RALYL: variants seen among roughly 807,000 people sequenced by gnomAD.
The protein encoded by RALYL is RNA-binding Raly-like protein.
In RALYL, 29 loss-of-function variants were observed where a neutral mutation model predicts 35.1. The observed-to-expected ratio is 0.83, with a 90% CI of 0.61 to 1.13. The LOEUF is 1.13. Among genes scored for constraint, RALYL ranks in the 50% most tolerant of loss-of-function variants. The pLI is 0.00. For missense variants in RALYL, 359 were observed against 360.4 expected, an observed-to-expected ratio of 1.00 and a Z score of 0.03; for synonymous variants, 120 against 127.6, an observed-to-expected ratio of 0.94 and a Z score of 0.40.
chr8:84,619,300 A>C (rs1472821040), intron 2 of RALYL, among the ~76,000 whole-genome samples: 3 of 151,714 alleles, frequency 2.0e-5, no homozygotes, highest in African/African-American at 7.3e-5. Flanking sequence ...ATATATATTT[A>C]GGATAGTTAG....
intron 1 of RALYL, among the ~76,000 whole-genome samples, chr8:84,223,154 T>A (rs1822799586): frequency 7.7e-6 from 1 of 130,496 alleles, no homozygotes; most frequent in Non-Finnish European, 1.6e-5. Flanking sequence ...TTTCCTTTCC[T>A]TTCTTTCCTT....
At chr8:84,306,455 T>C (rs1841833820) in intron 1 of RALYL, among the ~76,000 whole-genome samples, 1 of 152,174 alleles carries the variant, frequency 6.6e-6, no homozygotes, top group African/African-American at 2.4e-5. Flanking sequence ...GGTGTTATCA[T>C]GGATTCATTG....
At chr8:84,742,166 C>T (rs1264935036) in intron 2 of RALYL, among the ~76,000 whole-genome samples, 4 of 151,956 alleles carry the variant, frequency 2.6e-5, no homozygotes, top group Non-Finnish European at 5.9e-5. Flanking sequence ...AGACTACAGC[C>T]TTATGAATCT....
At chr8:84,384,115 C>T (rs1858627213) in intron 1 of RALYL, among the ~76,000 whole-genome samples, 1 of 151,476 alleles carries the variant, frequency 6.6e-6, no homozygotes, top group Non-Finnish European at 1.5e-5. Context: ...TTTATAATGC[C>T]TTTGTATCAA....
intron 8 of RALYL, among the ~76,000 whole-genome samples, chr8:84,907,629 G>A (rs888466333): frequency 6.6e-6 from 1 of 152,026 alleles, no homozygotes; most frequent in African/African-American, 2.4e-5. Flanking sequence ...TATTTTCATT[G>A]TATTAGGGTT....
At chr8:84,562,875 AC>A (rs2061553533) in intron 2 of RALYL, among the ~76,000 whole-genome samples, 1 of 151,892 alleles carries the variant, frequency 6.6e-6, no homozygotes, top group South Asian at 2.1e-4. Flanking sequence ...ATGCAGAGAG[AC>A]CTTGGGCACG....
At chr8:84,513,356 A>T (rs907627500) in intron 1 of RALYL, among the ~76,000 whole-genome samples, 10 of 152,142 alleles carry the variant, frequency 6.6e-5, no homozygotes, top group African/African-American at 1.7e-4. Context: ...TTTTATATCC[A>T]GCAAACTGTT....
chr8:84,499,037 C>A (rs1158972881), intron 1 of RALYL, among the ~76,000 whole-genome samples: 1 of 150,580 alleles, frequency 6.6e-6, no homozygotes, highest in African/African-American at 2.4e-5. Context: ...ACTGGGGGAG[C>A]AGTCTTATAA....
At chr8:84,474,643 T>C (rs2053180873) in intron 1 of RALYL, among the ~76,000 whole-genome samples, 2 of 152,172 alleles carry the variant, frequency 1.3e-5, no homozygotes, top group Non-Finnish European at 2.9e-5. Context: ...AAGTTTTATC[T>C]TGGTGGGATT....
At chr8:84,860,969 A>T (rs971407612) in intron 5 of RALYL, among the ~76,000 whole-genome samples, 3 of 152,170 alleles carry the variant, frequency 2.0e-5, no homozygotes, top group Non-Finnish European at 2.9e-5. Flanking sequence ...AACTTTTATT[A>T]TATTTCATAT....
intron 2 of RALYL, among the ~76,000 whole-genome samples, chr8:84,555,241 T>A (rs544082622): frequency 6.6e-6 from 1 of 152,170 alleles, no homozygotes; most frequent in African/African-American, 2.4e-5. Flanking sequence ...ATCATGCCAC[T>A]GCACTCCAAC....
At chr8:84,362,840 T>C (rs1208887997) in intron 1 of RALYL, among the ~76,000 whole-genome samples, 1 of 152,090 alleles carries the variant, frequency 6.6e-6, no homozygotes, top group Non-Finnish European at 1.5e-5. Flanking sequence ...CTTTCTTATT[T>C]AAAAAAATTA....
chr8:84,417,342 C>T (rs1331718424), intron 1 of RALYL, among the ~76,000 whole-genome samples: 1 of 152,024 alleles, frequency 6.6e-6, no homozygotes, highest in East Asian at 1.9e-4. Context: ...TAGGATCCTC[C>T]TTGGAGGACA....
intron 4 of RALYL, among the ~76,000 whole-genome samples, chr8:84,835,210 A>G (rs1476283382): frequency 6.6e-6 from 1 of 152,200 alleles, no homozygotes; most frequent in Non-Finnish European, 1.5e-5. Context: ...AAATAAATCT[A>G]TACAAATTAG....
intron 1 of RALYL, among the ~76,000 whole-genome samples, chr8:84,360,504 A>T (rs1387294581): frequency 6.6e-6 from 1 of 152,202 alleles, no homozygotes; most frequent in Non-Finnish European, 1.5e-5. Flanking sequence ...TATTCATTCC[A>T]ATGAATATCG....
rs537851655 is a variant in RALYL at position 84,435,461 on chromosome 8, T to C, written c.-23-93838T>C. ...AAAAACAACACTAAATAATTAGTAG[T>C]TTTCAGAAATTTTAGAGAAAAAAGG... On this transcript the variant is annotated intron_variant, in intron 1 of 8. Transcript: ENST00000521268. Among the ~76,000 whole-genome samples the C allele has an allele frequency of 2.0e-5, 3 of 152,290 alleles. No individual in the cohort carries two copies. The South Asian group carries it at 6.2e-4, about 32-fold the overall frequency.
intron 2 of RALYL, among the ~76,000 whole-genome samples, chr8:84,763,628 T>C (rs2133395579): frequency 6.6e-6 from 1 of 152,338 alleles, no homozygotes; most frequent in East Asian, 1.9e-4. Context: ...TGGGTTTCTA[T>C]AGGCTTTATC....
chr8:84,785,965 C>A (rs552849503), intron 3 of RALYL, among the ~76,000 whole-genome samples: 4 of 152,320 alleles, frequency 2.6e-5, no homozygotes, highest in Non-Finnish European at 5.9e-5. Context: ...CCTATTTATT[C>A]TGATGCTCTC....
intron 2 of RALYL, among the ~76,000 whole-genome samples, chr8:84,617,256 C>T (rs1460262150): frequency 6.6e-6 from 1 of 151,700 alleles, no homozygotes; most frequent in African/African-American, 2.4e-5. Flanking sequence ...TTTGTATCCT[C>T]TTTTATTTCC....
Sources: allele counts gnomAD v4.1 joint callset (sites outside exome capture counted in the v4.1 genomes callset), GRCh38; gene constraint gnomAD v4.1.1; transcripts MANE v1.5; gene names NCBI Gene and HGNC (gene_info 2026-07-23, HGNC 2026-07-21).